CENPP: variants seen among roughly 807,000 people sequenced by gnomAD.
The protein encoded by CENPP is centromere protein P.
Under a neutral mutation model 35.6 loss-of-function variants are expected in CENPP, and 24 were observed. That is an observed-to-expected ratio of 0.67 (90% CI 0.49 to 0.95). The LOEUF is 0.95. Ranked by LOEUF, CENPP falls within the 40% of genes least tolerant of loss-of-function variation. The pLI is 0.00. For missense variants in CENPP, 332 were observed against 345.3 expected, an observed-to-expected ratio of 0.96 and a Z score of 0.31; for synonymous variants, 120 against 125.5, an observed-to-expected ratio of 0.96 and a Z score of 0.29.
intron 5 of CENPP, chr9:92,417,478 C>T (rs1484569344): frequency 6.2e-7 from 1 of 1,613,640 alleles, no homozygotes; most frequent in Non-Finnish European, 8.5e-7. Context: ...AGTCTTCATC[C>T]CACTGATAAG....
At chr9:92,581,573 C>G (rs1850426569) in intron 5 of CENPP, among the ~76,000 whole-genome samples, 1 of 152,092 alleles carries the variant, frequency 6.6e-6, no homozygotes, top group African/African-American at 2.4e-5. Context: ...AAAATAATAG[C>G]ATACTTCCTA....
intron 5 of CENPP, chr9:92,512,057 CT>C: frequency 6.2e-7 from 1 of 1,613,682 alleles, no homozygotes; most frequent in Non-Finnish European, 8.5e-7. Flanking sequence ...ATTATTTTTA[CT>C]CAGATCAAGC....
intron 5 of CENPP, among the ~76,000 whole-genome samples, chr9:92,406,485 T>C (rs568455685): frequency 5.9e-5 from 9 of 152,342 alleles, no homozygotes; most frequent in Admixed American, 1.3e-4. Flanking sequence ...TCATCTATTG[T>C]AGTGGTTATC....
chr9:92,387,034 C>G (rs866742956), intron 5 of CENPP, among the ~76,000 whole-genome samples: 2 of 123,930 alleles, frequency 1.6e-5, no homozygotes, highest in Non-Finnish European at 3.1e-5. Context: ...GGCAACAGAG[C>G]GAGACTCTGT....
intron 5 of CENPP, among the ~76,000 whole-genome samples, chr9:92,462,169 G>A (rs946311854): frequency 6.6e-6 from 1 of 152,046 alleles, no homozygotes; most frequent in Non-Finnish European, 1.5e-5. Context: ...ATAGACATGG[G>A]GTTTTACCAT....
At chr9:92,467,081 C>T (rs140742110) in intron 5 of CENPP, among the ~76,000 whole-genome samples, 1 of 152,324 alleles carries the variant, frequency 6.6e-6, no homozygotes, top group East Asian at 1.9e-4. Context: ...GTGCCCTCAG[C>T]ATTCTGGCAT....
intron 5 of CENPP, among the ~76,000 whole-genome samples, chr9:92,390,927 G>A (rs541802691): frequency 7.1e-4 from 108 of 152,194 alleles, no homozygotes; most frequent in Non-Finnish European, 9.8e-4. Context: ...TTGTGCTTGG[G>A]GATGTTAGAC....
At chr9:92,581,582 T>C (rs898786683) in intron 5 of CENPP, among the ~76,000 whole-genome samples, 1 of 152,178 alleles carries the variant, frequency 6.6e-6, no homozygotes, top group African/African-American at 2.4e-5. Context: ...GCATACTTCC[T>C]ATACCCAGCA....
intron 4 of CENPP, among the ~76,000 whole-genome samples, chr9:92,375,707 A>G (rs931646039): frequency 1.3e-5 from 2 of 152,026 alleles, no homozygotes; most frequent in African/African-American, 4.8e-5. Context: ...TTTTAAAAAA[A>G]TTTCTCTCTT....
chr9:92,603,756 C>A (rs531783344), intron 5 of CENPP, among the ~76,000 whole-genome samples: 1 of 152,302 alleles, frequency 6.6e-6, no homozygotes, highest in Non-Finnish European at 1.5e-5. Flanking sequence ...AGCACATCCA[C>A]GTCACTCCAG....
intron 5 of CENPP, among the ~76,000 whole-genome samples, chr9:92,406,720 G>C (rs766390006): frequency 2.0e-5 from 3 of 152,134 alleles, no homozygotes; most frequent in Non-Finnish European, 2.9e-5. Flanking sequence ...TCAGTTCCTT[G>C]CAGAATGTGA....
intron 5 of CENPP, among the ~76,000 whole-genome samples, chr9:92,555,520 C>A (rs559562703): frequency 6.6e-6 from 1 of 152,104 alleles, no homozygotes; most frequent in South Asian, 2.1e-4. Context: ...TGAACCACTG[C>A]GCCTGGCCAG....
intron 5 of CENPP, among the ~76,000 whole-genome samples, chr9:92,416,134 C>T (rs1468597529): frequency 2.8e-5 from 4 of 141,936 alleles, no homozygotes; most frequent in Non-Finnish European, 4.5e-5. Flanking sequence ...GAGTTTTGCT[C>T]TGTCATCCAG....
chr9:92,451,659 A>C (rs1844713022), intron 5 of CENPP, among the ~76,000 whole-genome samples: 1 of 151,750 alleles, frequency 6.6e-6, no homozygotes, highest in Non-Finnish European at 1.5e-5. Flanking sequence ...CTTGATGGGG[A>C]TGGCATTGAA....
At chr9:92,349,318 C>T (rs1480563516) in intron 4 of CENPP, among the ~76,000 whole-genome samples, 1 of 151,852 alleles carries the variant, frequency 6.6e-6, no homozygotes, top group Non-Finnish European at 1.5e-5. Flanking sequence ...ATGAATGTAC[C>T]ATAGTTTGTT....
chr9:92,519,447 C>T (rs1337616460), intron 5 of CENPP, among the ~76,000 whole-genome samples: 1 of 152,166 alleles, frequency 6.6e-6, no homozygotes, highest in East Asian at 1.9e-4. Context: ...CAGCTTTTGT[C>T]AGTGTGATAC....
chr9:92,408,746 T>C (rs1394935502), intron 5 of CENPP, among the ~76,000 whole-genome samples: 2 of 152,138 alleles, frequency 1.3e-5, no homozygotes, highest in African/African-American at 4.8e-5. Flanking sequence ...CCACCCCTAC[T>C]TTGTGATGAC....
rs189235201 is a variant in CENPP at position 92,573,087 on chromosome 9, T to C, written c.565-38227T>C. Among the ~76,000 whole-genome samples the C allele has an allele frequency of 3.4e-4, 52 of 152,358 alleles. No individual in the cohort carries two copies. In the East Asian group the frequency reaches 9.4e-3, roughly 28 times the overall value. On this transcript the variant is annotated intron_variant, in intron 5 of 7. Transcript: ENST00000375587. ...TGTTATTACCAGTCGTCTGAAGCCT[T>C]CTTCTCTCAACTCGTCAAAGTCATT...
rs1229632211 is a variant in CENPP at position 92,326,049 on chromosome 9, C to T, written c.51C>T (p.Ala17=). Residue 17 remains alanine (A), a synonymous_variant, in exon 1 of 8, where the codon GCC becomes GCT. Coordinates refer to ENST00000375587, the MANE Select transcript of CENPP (RefSeq NM_001012267.3). The part of the protein sequence containing the change: ...EVRALQAEIA[A]LRRACEDPPA... The stretch of plus-strand genomic sequence containing the variant: ...GCGCCTTGCAAGCTGAGATCGCGGC[C>T]CTGCGGCGAGCGTGTGAGGACCCAC... 5.8e-6 allele frequency: 9 copies of T among 1,563,838 alleles called. No homozygotes were observed. The South Asian group carries it at 1.1e-4, about 18-fold the overall frequency.
Sources: allele counts gnomAD v4.1 joint callset (sites outside exome capture counted in the v4.1 genomes callset), GRCh38; gene constraint gnomAD v4.1.1; transcripts MANE v1.5; gene names NCBI Gene and HGNC (gene_info 2026-07-23, HGNC 2026-07-21).